CACNA1E: variants seen among roughly 807,000 people sequenced by gnomAD.
CACNA1E encodes the protein voltage-dependent R-type calcium channel subunit alpha-1E.
CACNA1E carries 40 observed loss-of-function variants against 259.2 expected under a neutral mutation model. The observed-to-expected ratio is 0.15, with a 90% confidence interval of 0.12 to 0.20. CACNA1E has a LOEUF of 0.20. Among genes scored for constraint, CACNA1E ranks in the 10% least tolerant of loss-of-function variants. The pLI, the probability that CACNA1E is intolerant of heterozygous loss-of-function variation, is 1.00. For synonymous variants in CACNA1E, 1,104 were observed against 1,138.5 expected (o/e 0.97, Z 0.61); for missense variants, 1,874 against 3,040.1 (o/e 0.62, Z 9.02).
chr1:181,671,008 A>C (rs1387143386), intron 7 of CACNA1E, among the ~76,000 whole-genome samples: 6 of 152,198 alleles, frequency 3.9e-5, no homozygotes, highest in African/African-American at 1.4e-4. Flanking sequence ...TTACTAAAAT[A>C]TCTAATCACA....
intron 34 of CACNA1E, among the ~76,000 whole-genome samples, chr1:181,765,172 C>T (rs937115059): frequency 2.0e-5 from 3 of 152,156 alleles, no homozygotes; most frequent in African/African-American, 7.2e-5. Context: ...CCCTAAACAG[C>T]ATCCAGTTTT....
At chr1:181,755,454 A>G in intron 28 of CACNA1E, 57 bp downstream of exon 28, 1 of 1,360,238 alleles carries the variant, frequency 7.4e-7, no homozygotes, top group Non-Finnish European at 1.0e-6. Flanking sequence ...TGATGATCCC[A>G]CTCCACCACC....
rs771520100 is a variant in CACNA1E, at chr1:181,721,881, CT to C, written c.2074+11del. 1.3e-6 allele frequency: 2 copies of C among 1,562,696 alleles called. No individual in the cohort carries two copies. Among genetic ancestry groups the C allele is most frequent in the Admixed American group, 1.7e-5 (1 of 59,928 alleles). ...GCTCACCTTGTTTGGCAACTGTATC[CT>C]TTTTAAGATGCACCTCCTCAAGCTG... On this transcript the variant is annotated splice_region_variant and intron_variant, in intron 16 of 47. Coordinates refer to ENST00000367573, the MANE Select transcript of CACNA1E (RefSeq NM_001205293.3).
chr1:181,462,914 G>C (rs924473533), intron 2 of CACNA1E, among the ~76,000 whole-genome samples: 1 of 151,708 alleles, frequency 6.6e-6, no homozygotes, highest in Non-Finnish European at 1.5e-5. Context: ...TCTGAGGGGA[G>C]GCTAGGTTGC....
chr1:181,326,338 C>T (rs533567497), intron 1 of CACNA1E, among the ~76,000 whole-genome samples: 2 of 152,308 alleles, frequency 1.3e-5, no homozygotes, highest in East Asian at 1.9e-4. Context: ...ATATTTCTGA[C>T]GATATCTGTT....
chr1:181,356,491 T>C (rs10494538), intron 1 of CACNA1E, among the ~76,000 whole-genome samples: 7,796 of 152,292 alleles, frequency 0.051, 335 homozygotes, highest in African/African-American at 0.12. Flanking sequence ...GACACAAATA[T>C]GCAAGAAAGA....
chr1:181,639,321 C>A (rs1302550038), intron 6 of CACNA1E, among the ~76,000 whole-genome samples: 2 of 152,192 alleles, frequency 1.3e-5, no homozygotes, highest in Non-Finnish European at 2.9e-5. Context: ...ATCTCCTGAC[C>A]TTGTGATCCA....
At chr1:181,695,840 A>AG (rs1418157190) in intron 7 of CACNA1E, among the ~76,000 whole-genome samples, 3 of 152,164 alleles carry the variant, frequency 2.0e-5, no homozygotes, top group Non-Finnish European at 4.4e-5. Context: ...CTGTAGTCCC[A>AG]GCTACTCGGG....
At position 181,739,253 on chromosome 1, in the gene CACNA1E, C is replaced by T; in HGVS notation, c.3719C>T (p.Ala1240Val). ...GGCGCATTGGTGGCCTTTGCTCTGG[C>T]GTAAGTGACTCTTTTCATATTTGAT... Reference protein sequence around the residue: ...VVGALVAFALANALGTNKGRD... With the variant: ...VVGALVAFALVNALGTNKGRD... The change falls in exon 25 of 48, where the codon GCG becomes GTG. Residue 1240 changes from alanine to valine, a missense_variant and splice_region_variant. By Grantham distance (64) the Ala-to-Val change is moderately conservative. Coordinates refer to ENST00000367573, the MANE Select transcript of CACNA1E (RefSeq NM_001205293.3). The T allele has an allele frequency of 1.9e-6, 3 of 1,582,898 alleles. No homozygotes were observed. The highest frequency in any genetic ancestry group is 1.7e-6 in the Non-Finnish European group (2 of 1,151,628).
chr1:181,798,916 G>A lies in CACNA1E; in HGVS notation c.*82G>A. On this transcript the variant is annotated 3_prime_UTR_variant, in exon 48 of 48. Coordinates refer to ENST00000367573, the MANE Select transcript of CACNA1E (RefSeq NM_001205293.3). This position sits in a 1 kb window ranked among gnomAD's most constrained non-coding sequence, Gnocchi z 4.2. ...AATTGGGAAGCCAGTGCGGCCCGGGGGGGAGGAAGAGGGAAAAGGAAGATG... is the reference window on the plus strand; with the variant it reads ...AATTGGGAAGCCAGTGCGGCCCGGGAGGGAGGAAGAGGGAAAAGGAAGATG... 1 of 1,299,760 alleles carries A rather than the reference G, an allele frequency of 7.7e-7. No individual in the cohort carries two copies. Among genetic ancestry groups the A allele is most frequent in the African/African-American group, 1.5e-5 (1 of 67,836 alleles). 80.5% of individuals were successfully genotyped at this position (1,299,760 alleles called of 1,614,324 possible). A position where few individuals can be genotyped will look rare whatever the true frequency, so the allele number is the denominator to read the frequency against.
At chr1:181,663,434 C>T (rs1647885795) in intron 7 of CACNA1E, among the ~76,000 whole-genome samples, 1 of 152,142 alleles carries the variant, frequency 6.6e-6, no homozygotes, top group Admixed American at 6.5e-5. Flanking sequence ...GTCTCTGTCA[C>T]CCATTAAGTT....
At chr1:181,657,730 A>G (rs1659321740) in intron 7 of CACNA1E, among the ~76,000 whole-genome samples, 1 of 152,266 alleles carries the variant, frequency 6.6e-6, no homozygotes, top group Non-Finnish European at 1.5e-5. Context: ...TAGTAATCCA[A>G]CGACGTGGTA....
intron 6 of CACNA1E, among the ~76,000 whole-genome samples, chr1:181,644,458 T>C (rs539031883): frequency 2.0e-5 from 3 of 152,306 alleles, no homozygotes; most frequent in South Asian, 2.1e-4. Flanking sequence ...AGGCATTTAA[T>C]TGCCCAGTGA....
At chr1:181,401,068 C>A (rs1657067183) in intron 1 of CACNA1E, among the ~76,000 whole-genome samples, 1 of 152,216 alleles carries the variant, frequency 6.6e-6, no homozygotes, top group Non-Finnish European at 1.5e-5. Flanking sequence ...GTTCTAGCCA[C>A]ACTGGCCTCC....
chr1:181,723,436 C>T (rs1368517138), intron 16 of CACNA1E, among the ~76,000 whole-genome samples: 2 of 152,202 alleles, frequency 1.3e-5, no homozygotes, highest in Non-Finnish European at 2.9e-5. Flanking sequence ...TTCCCTTACT[C>T]ATCAACAATT....
chr1:181,793,376 G>GTTGCAGAAAACAATA (rs1363219070), intron 44 of CACNA1E, among the ~76,000 whole-genome samples: 3 of 152,168 alleles, frequency 2.0e-5, no homozygotes, highest in Non-Finnish European at 2.9e-5. Context: ...AACAGTGTTT[G>GTTGCAGAAAACAATA]TTGCAGAAAA....
At chr1:181,573,961 A>T (rs1364634632) in intron 3 of CACNA1E, among the ~76,000 whole-genome samples, 2 of 152,228 alleles carry the variant, frequency 1.3e-5, no homozygotes, top group Non-Finnish European at 2.9e-5. Context: ...AAGGAATGAG[A>T]TCATGTCCTT....
At chr1:181,574,362 C>T (rs1650731747) in intron 3 of CACNA1E, among the ~76,000 whole-genome samples, 2 of 152,318 alleles carry the variant, frequency 1.3e-5, no homozygotes, top group East Asian at 1.9e-4. Flanking sequence ...CAGTATTCTC[C>T]TGTGTACTCA....
intron 3 of CACNA1E, among the ~76,000 whole-genome samples, chr1:181,571,121 T>TA (rs985839248): frequency 4.7e-4 from 71 of 152,056 alleles, no homozygotes; most frequent in African/African-American, 1.6e-3. Flanking sequence ...CAAGCATTAT[T>TA]TTTTTTTAAT....
Sources: gnomAD v4.1 joint callset for allele counts (sites outside exome capture counted in the v4.1 genomes callset) on GRCh38, gnomAD v4.1.1 for gene constraint, Gnocchi (gnomAD v3.1) non-coding constraint, MANE v1.5 for transcripts, NCBI Gene and HGNC (gene_info 2026-07-23, HGNC 2026-07-21) for gene names.